Variants in EMCN observed in about 807,000 individuals in gnomAD.
The protein encoded by EMCN is MUC-14.
A neutral mutation model predicts 38.4 loss-of-function variants in EMCN; 37 were observed. The observed-to-expected ratio is 0.96, with a 90% CI of 0.74 to 1.27. EMCN has a LOEUF of 1.27. EMCN is among the 50% of genes most tolerant of loss of function. The pLI is 0.00. For missense variants in EMCN, 318 were observed against 302.8 expected (o/e 1.05, Z -0.37); for synonymous variants, 95 against 100.8 (o/e 0.94, Z 0.35).
chr4:100,480,488 G>A (rs1728777506), intron 1 of EMCN, among the ~76,000 whole-genome samples: 2 of 151,232 alleles, frequency 1.3e-5, no homozygotes, highest in South Asian at 4.2e-4. Flanking sequence ...CTATATAAAT[G>A]TGTACTATAT....
chr4:100,403,569 G>A (rs1438971888), intron 11 of EMCN, among the ~76,000 whole-genome samples: 4 of 151,758 alleles, frequency 2.6e-5, no homozygotes, highest in Non-Finnish European at 5.9e-5. Flanking sequence ...AAAACAATTT[G>A]TATTTCTTTG....
intron 5 of EMCN, among the ~76,000 whole-genome samples, chr4:100,446,615 G>C (rs956492527): frequency 1.3e-5 from 2 of 151,910 alleles, no homozygotes; most frequent in African/African-American, 4.8e-5. Context: ...TAGTCTCAGG[G>C]ATACACATGC....
intron 5 of EMCN, among the ~76,000 whole-genome samples, chr4:100,439,344 T>C (rs148018921): frequency 6.6e-6 from 1 of 152,024 alleles, no homozygotes. Context: ...TTGATCCTGG[T>C]AGGTTTTAGT....
intron 1 of EMCN, among the ~76,000 whole-genome samples, chr4:100,490,398 T>C (rs1259665249): frequency 1.3e-5 from 2 of 152,294 alleles, no homozygotes; most frequent in South Asian, 4.1e-4. Context: ...ATAAACTTGG[T>C]ATAGCCCAAG....
At chr4:100,430,815 T>A (rs1347739002) in intron 5 of EMCN, among the ~76,000 whole-genome samples, 1 of 152,188 alleles carries the variant, frequency 6.6e-6, no homozygotes, top group Non-Finnish European at 1.5e-5. Flanking sequence ...GTTGATATAT[T>A]TCTTATTCCA....
In EMCN at chr4:100,479,989, A is replaced by G. The variant is rs1728763758; in HGVS notation, c.115T>C (p.Ser39Pro). 2 of 1,603,312 alleles carry G rather than the reference A, an allele frequency of 1.2e-6. No homozygotes were observed. Among genetic ancestry groups the G allele is most frequent in the African/African-American group, 1.4e-5 (1 of 72,804 alleles). Residue 39 changes from serine to proline, a missense_variant, in exon 2 of 12, where the codon TCT (serine) becomes CCT (proline). Coordinates refer to ENST00000296420, the MANE Select transcript of EMCN (RefSeq NM_016242.4). The stretch of plus-strand genomic sequence containing the variant: ...GATTCTGTGTTTGGTGTTGTTATAG[A>G]TGGTTTTGTTGTAGTAACAACAAGT... ...NSLVVTTTKP[S>P]ITTPNTESLQ...
Position 100,402,514 on chromosome 4 carries a change from G to C in EMCN, c.*40-4141C>G, listed in dbSNP as rs1726285660. On this transcript the variant is annotated intron_variant, in intron 11 of 11. Coordinates refer to ENST00000296420, the MANE Select transcript of EMCN (RefSeq NM_016242.4). ...CTTTGGTTATTAAATTCAAAGTACA[G>C]TGATAGAAATATCTTAAGGAAAAAA... Among the ~76,000 whole-genome samples, 2 of 152,130 alleles carry C rather than the reference G, an allele frequency of 1.3e-5. 1 individual carries two copies. The highest frequency in any genetic ancestry group is 1.3e-4 in the Admixed American group (2 of 15,250).
chr4:100,401,239 C>T (rs1258071272), intron 11 of EMCN, among the ~76,000 whole-genome samples: 1 of 151,972 alleles, frequency 6.6e-6, no homozygotes. Context: ...CAGATTCAAC[C>T]AGCTGTGAAT....
At chr4:100,477,728 C>T (rs1728699621) in intron 2 of EMCN, among the ~76,000 whole-genome samples, 1 of 152,180 alleles carries the variant, frequency 6.6e-6, no homozygotes, top group African/African-American at 2.4e-5. Flanking sequence ...ATACTTTCAT[C>T]GTGGCTAAGA....
At chr4:100,487,558 T>G (rs2110288723) in intron 1 of EMCN, among the ~76,000 whole-genome samples, 1 of 152,310 alleles carries the variant, frequency 6.6e-6, no homozygotes, top group South Asian at 2.1e-4. Context: ...AATTGTGATC[T>G]CCATAATCCC....
chr4:100,447,544 G>C lies in EMCN; in HGVS notation c.404C>G (p.Thr135Arg). 6.2e-7 allele frequency: 1 copy of C among 1,602,924 alleles called. No individual in the cohort carries two copies. The highest frequency in any genetic ancestry group is 1.7e-5 in the Admixed American group (1 of 59,686). Residue 135 changes from threonine (T) to arginine (R), a missense_variant, in exon 5 of 12, where the codon ACA becomes AGA. Transcript: ENST00000296420. ...AAAAAAGAGCTTACCTGGTATTTCT[G>C]TTGTTTTAATTGAACTCTGAGTTTC... The part of the protein sequence containing the change: ...KTETQSSIKT[T>R]EIPGSVLQPD...
chr4:100,482,598 T>G (rs894682136), intron 1 of EMCN, among the ~76,000 whole-genome samples: 1 of 152,086 alleles, frequency 6.6e-6, no homozygotes, highest in Admixed American at 6.6e-5. Context: ...CTAGCTGGAT[T>G]GCAGTGTGCT....
intron 5 of EMCN, among the ~76,000 whole-genome samples, chr4:100,431,403 G>A (rs1727195807): frequency 6.6e-6 from 1 of 152,140 alleles, no homozygotes; most frequent in African/African-American, 2.4e-5. Flanking sequence ...ATTTGAATCA[G>A]TATACTGAGC....
In EMCN at chr4:100,423,306, T is replaced by A. The variant is rs773011397; in HGVS notation, c.508+6A>T. 1.9e-6 allele frequency: 3 copies of A among 1,602,434 alleles called. No individual in the cohort carries two copies. The highest frequency in any genetic ancestry group is 1.7e-4 in the Middle Eastern group (1 of 6,026). On this transcript the variant is annotated splice_donor_region_variant and intron_variant, in intron 6 of 11. Transcript: ENST00000296420. Reference sequence around the variant, plus strand: ...AGATTTCCACTCAGGCACACAGATATCATACCTTGAGACTGTGAGGTGTTT... The same window carrying A: ...AGATTTCCACTCAGGCACACAGATAACATACCTTGAGACTGTGAGGTGTTT...
In EMCN at chr4:100,517,836, AAGAG is replaced by A. The variant is rs753719834; in HGVS notation, c.64+11_64+14del. 15 of 1,611,712 alleles carry A rather than the reference AAGAG, an allele frequency of 9.3e-6. No individual in the cohort carries two copies. The African/African-American group carries it at 1.7e-4, about 19-fold the overall frequency. ...TTCCAATCCGTACCACCAGAGGAAT[AAGAG>A]ACAAAAATACCTGTGCTGTTACTGC... On this transcript the variant is annotated intron_variant, in intron 1 of 11. Transcript: ENST00000296420.
intron 1 of EMCN, among the ~76,000 whole-genome samples, chr4:100,515,715 C>T (rs1342067175): frequency 6.6e-6 from 1 of 152,012 alleles, no homozygotes; most frequent in African/African-American, 2.4e-5. Flanking sequence ...TTAATCATTC[C>T]TAAGTTTGAG....
chr4:100,473,373 G>GTTTTTTTTTTTTTT lies in EMCN; in HGVS notation c.259+1664_259+1665insAAAAAAAAAAAAAA, dbSNP rs1256284835. On this transcript the variant is annotated intron_variant, in intron 3 of 11. Coordinates refer to ENST00000296420, the MANE Select transcript of EMCN (RefSeq NM_016242.4). ...GGCATTTCCCGTTTCGTGTTTTTTT[G>GTTTTTTTTTTTTTT]TTTTTTTTTTTTGTTTTTTTTTTTG... is the stretch of plus-strand genomic sequence containing the variant. Among the ~76,000 whole-genome samples the GTTTTTTTTTTTTTT allele has an allele frequency of 2.4e-3, 160 of 65,978 alleles. 6 individuals are homozygous for GTTTTTTTTTTTTTT. Among genetic ancestry groups the GTTTTTTTTTTTTTT allele is most frequent in the East Asian group, 4.8e-3 (9 of 1,890 alleles). 43.3% of individuals were successfully genotyped at this position (65,978 alleles called of 152,430 possible).
At chr4:100,488,434 T>A (rs1350687660) in intron 1 of EMCN, among the ~76,000 whole-genome samples, 1 of 152,178 alleles carries the variant, frequency 6.6e-6, no homozygotes, top group African/African-American at 2.4e-5. Context: ...CCCTTTAGTG[T>A]GTTGATCTAC....
In EMCN at chr4:100,457,190, T is replaced by TTGTG. The variant is rs58939159; in HGVS notation, c.376+8229_376+8232dup. Among the ~76,000 whole-genome samples the TTGTG allele has an allele frequency of 9.5e-3, 1,028 of 108,094 alleles. 4 individuals are homozygous for TTGTG. Among genetic ancestry groups the TTGTG allele is most frequent in the Middle Eastern group, 0.052 (11 of 212 alleles). The allele number at this position is 108,094 out of a possible 152,430, so 70.9% of individuals were successfully genotyped here. ...CTTTTTTAAGCAACATATAGTTTGG[T>TTGTG]TGTGTGTGTGTGTGTGTGTGTGTGT... On this transcript the variant is annotated intron_variant, in intron 4 of 11. Coordinates refer to ENST00000296420, the MANE Select transcript of EMCN (RefSeq NM_016242.4).
Sources: gnomAD v4.1 joint callset for allele counts (sites outside exome capture counted in the v4.1 genomes callset) on GRCh38, gnomAD v4.1.1 for gene constraint, MANE v1.5 for transcripts, NCBI Gene and HGNC (gene_info 2026-07-23, HGNC 2026-07-21) for gene names.